Variants in NKAIN3 observed in about 807,000 individuals in gnomAD.
The protein encoded by NKAIN3 is sodium/potassium-transporting ATPase subunit beta-1-interacting protein 3.
A neutral mutation model predicts 30.2 loss-of-function variants in NKAIN3; 25 were observed. The ratio of observed to expected loss-of-function variants is 0.83; its 90% CI spans 0.60 to 1.16. NKAIN3 has a LOEUF of 1.16. NKAIN3 is among the 50% of genes most tolerant of loss of function. The pLI is 0.00. For missense variants in NKAIN3, 225 were observed against 254.1 expected, an observed-to-expected ratio of 0.89 and a Z score of 0.78; for synonymous variants, 91 against 89.6, an observed-to-expected ratio of 1.02 and a Z score of -0.09.
chr8:62,284,894 A>C (rs1322211155), intron 1 of NKAIN3, among the ~76,000 whole-genome samples: 1 of 152,182 alleles, frequency 6.6e-6, no homozygotes, highest in Non-Finnish European at 1.5e-5. Context: ...ATCTGAGTTC[A>C]GTGGTTCAGA....
intron 3 of NKAIN3, among the ~76,000 whole-genome samples, chr8:62,705,202 T>C (rs1286690191): frequency 1.3e-5 from 2 of 152,238 alleles, no homozygotes; most frequent in African/African-American, 4.8e-5. Context: ...AAAAGTTGCA[T>C]AAATATGAGA....
chr8:62,846,083 A>T (rs917998584), intron 4 of NKAIN3, among the ~76,000 whole-genome samples: 1 of 152,134 alleles, frequency 6.6e-6, no homozygotes, highest in Admixed American at 6.6e-5. Flanking sequence ...ATTCTTAAAA[A>T]TTCATCTATG....
chr8:62,283,331 C>T (rs965322685), intron 1 of NKAIN3, among the ~76,000 whole-genome samples: 10 of 151,932 alleles, frequency 6.6e-5, no homozygotes, highest in Non-Finnish European at 1.5e-4. Context: ...GATGACAAAC[C>T]CATTTTTCAG....
intron 3 of NKAIN3, among the ~76,000 whole-genome samples, chr8:62,609,103 TATA>T (rs1286779356): frequency 6.6e-6 from 1 of 152,168 alleles, no homozygotes; most frequent in Non-Finnish European, 1.5e-5. Flanking sequence ...CAGGTCAGGC[TATA>T]ATGATTTCGA....
intron 4 of NKAIN3, among the ~76,000 whole-genome samples, chr8:62,914,826 G>A (rs916408334): frequency 3.1e-5 from 4 of 127,018 alleles, no homozygotes; most frequent in Admixed American, 9.1e-5. Context: ...TGGGATACAT[G>A]TGCAGAACAT....
intron 1 of NKAIN3, among the ~76,000 whole-genome samples, chr8:62,504,427 C>T (rs934839912): frequency 8.5e-5 from 13 of 152,154 alleles, no homozygotes; most frequent in South Asian, 4.1e-4. Flanking sequence ...TATTGCATTC[C>T]TATTCCTTTA....
intron 4 of NKAIN3, among the ~76,000 whole-genome samples, chr8:62,752,050 T>C (rs1366384276): frequency 6.6e-6 from 1 of 152,172 alleles, no homozygotes; most frequent in Non-Finnish European, 1.5e-5. Context: ...TAAATATTTG[T>C]TGAATGAATA....
chr8:62,444,234 C>T (rs1805416220), intron 1 of NKAIN3, among the ~76,000 whole-genome samples: 1 of 152,014 alleles, frequency 6.6e-6, no homozygotes, highest in South Asian at 2.1e-4. Flanking sequence ...TTTATCTTTT[C>T]TTTATGCTAG....
intron 4 of NKAIN3, chr8:62,856,046 C>T: frequency 1.5e-6 from 1 of 686,512 alleles, no homozygotes; most frequent in Non-Finnish European, 2.7e-6. Flanking sequence ...GCTTCTTCAG[C>T]ATTACCAAGG....
intron 4 of NKAIN3, chr8:62,863,365 C>G: frequency 1.3e-6 from 2 of 1,546,790 alleles, no homozygotes; most frequent in South Asian, 2.3e-5. Flanking sequence ...TGCCGTTCTT[C>G]TCACATATGC....
chr8:62,354,948 G>A (rs527975532), intron 1 of NKAIN3, among the ~76,000 whole-genome samples: 28 of 152,238 alleles, frequency 1.8e-4, no homozygotes, highest in Non-Finnish European at 3.2e-4. Flanking sequence ...CTCCTGGAGG[G>A]TGATTTATCT....
At chr8:62,944,531 T>C (rs1443854020) in intron 5 of NKAIN3, among the ~76,000 whole-genome samples, 1 of 152,216 alleles carries the variant, frequency 6.6e-6, no homozygotes, top group Non-Finnish European at 1.5e-5. Flanking sequence ...CCATTAATGC[T>C]TTATATTCTT....
intron 1 of NKAIN3, among the ~76,000 whole-genome samples, chr8:62,504,212 C>G (rs1196276077): frequency 6.6e-6 from 1 of 152,106 alleles, no homozygotes; most frequent in Non-Finnish European, 1.5e-5. Flanking sequence ...ACAGTTTCAT[C>G]CTGAAACTGT....
chr8:62,422,777 T>C (rs904518459), intron 1 of NKAIN3, among the ~76,000 whole-genome samples: 1 of 152,136 alleles, frequency 6.6e-6, no homozygotes, highest in Non-Finnish European at 1.5e-5. Context: ...CTATTATCTC[T>C]ACCATAGCTA....
intron 5 of NKAIN3, among the ~76,000 whole-genome samples, chr8:62,944,393 C>T (rs1032913969): frequency 2.0e-5 from 3 of 152,014 alleles, no homozygotes; most frequent in Admixed American, 1.3e-4. Flanking sequence ...GAGTCTTTGC[C>T]TTTTCACATA....
intron 1 of NKAIN3, among the ~76,000 whole-genome samples, chr8:62,358,157 C>G (rs1230674337): frequency 1.3e-5 from 2 of 151,280 alleles, no homozygotes; most frequent in Non-Finnish European, 2.9e-5. Flanking sequence ...GAGGAAAGGC[C>G]TGAATTATGT....
chr8:62,802,215 A>T (rs1362607417), intron 4 of NKAIN3, among the ~76,000 whole-genome samples: 5 of 152,228 alleles, frequency 3.3e-5, no homozygotes, highest in Admixed American at 6.5e-5. Context: ...ATCCAGGAGA[A>T]ATTCCCCAAT....
chr8:62,954,486 T>A lies in NKAIN3; in HGVS notation c.603+514T>A, dbSNP rs556799515. Among the ~76,000 whole-genome samples, 327 of 152,282 alleles carry A rather than the reference T, an allele frequency of 2.1e-3. 1 individual carries two copies. Among genetic ancestry groups the A allele is most frequent in the Non-Finnish European group, 1.6e-3 (106 of 68,022 alleles). The stretch of plus-strand genomic sequence containing the variant: ...TATTACTCTTCCCAGTACTCAAACA[T>A]TTGACTAACAAGTTCAGGAACAAGT... On this transcript the variant is annotated intron_variant, in intron 6 of 6. Coordinates refer to ENST00000623646, the MANE Select transcript of NKAIN3 (RefSeq NM_001304533.3).
intron 6 of NKAIN3, among the ~76,000 whole-genome samples, chr8:62,958,438 C>A (rs976452565): frequency 6.6e-6 from 1 of 152,060 alleles, no homozygotes; most frequent in African/African-American, 2.4e-5. Flanking sequence ...GGAGTCTCCA[C>A]CGGGATCTAC....
Sources: allele counts gnomAD v4.1 joint callset (sites outside exome capture counted in the v4.1 genomes callset), GRCh38; gene constraint gnomAD v4.1.1; transcripts MANE v1.5; gene names NCBI Gene and HGNC (gene_info 2026-07-23, HGNC 2026-07-21).